CCDC88C: variants seen among roughly 807,000 people sequenced by gnomAD.
CCDC88C encodes the protein protein Daple.
A neutral mutation model predicts 198.8 loss-of-function variants in CCDC88C; 131 were observed. That is an observed-to-expected ratio of 0.66 (90% CI 0.57 to 0.76). The LOEUF is 0.76. Ranked by LOEUF, CCDC88C falls within the 30% of genes least tolerant of loss-of-function variation. CCDC88C has a pLI of 0.00. For synonymous variants in CCDC88C, 1,166 were observed against 1,114.7 expected (o/e 1.05, Z -0.92); for missense variants, 2,553 against 2,631.6 (o/e 0.97, Z 0.65).
At chr14:91,392,072 G>A (rs2139980597) in intron 3 of CCDC88C, among the ~76,000 whole-genome samples, 1 of 152,162 alleles carries the variant, frequency 6.6e-6, no homozygotes, top group South Asian at 2.1e-4. Flanking sequence ...GGCTGTTCCT[G>A]ACTCTCTAGT....
chr14:91,397,567 C>T (rs367567000), intron 3 of CCDC88C, among the ~76,000 whole-genome samples: 3 of 152,234 alleles, frequency 2.0e-5, no homozygotes, highest in Admixed American at 6.5e-5. Flanking sequence ...ACCCACCTTT[C>T]GCCCTCTGCA....
At chr14:91,290,887 C>A in intron 24 of CCDC88C, 108 bp downstream of exon 24, 1 of 683,200 alleles carries the variant, frequency 1.5e-6, no homozygotes, top group Non-Finnish European at 2.7e-6. Flanking sequence ...GGCATCTGTG[C>A]ACAGGTGGAT....
In CCDC88C at chr14:91,300,044, G is replaced by T; in HGVS notation, c.3662C>A (p.Ala1221Glu). 6.2e-7 allele frequency: 1 copy of T among 1,607,676 alleles called. No individual in the cohort carries two copies. Among genetic ancestry groups the T allele is most frequent in the Non-Finnish European group, 8.5e-7 (1 of 1,177,426 alleles). The change falls in exon 21 of 30, where the codon GCG becomes GAG. Residue 1221 changes from alanine to glutamate, a missense_variant. Ala to Glu is a moderately radical substitution (Grantham distance 107). Around this residue, in one of 2 missense-constraint regions of CCDC88C, gnomAD observed 1,293 missense variants for 1,219.6 expected, o/e 1.06. Coordinates refer to ENST00000389857, the MANE Select transcript of CCDC88C (RefSeq NM_001080414.4). Reference sequence around the variant, plus strand: ...GACCTTCTCCCGCTCCTCCAGCTCCGCCTTGCGCTTCAGCATGTCACCGTG... The same window carrying T: ...GACCTTCTCCCGCTCCTCCAGCTCCTCCTTGCGCTTCAGCATGTCACCGTG... ...ERHGDMLKRK[A>E]ELEEREKVLT...
In CCDC88C at chr14:91,321,150, C is replaced by T; in HGVS notation, c.1497G>A (p.Leu499=). Residue 499 remains leucine (L), a synonymous_variant, in exon 13 of 30, where the codon CTG becomes CTA. Coordinates refer to ENST00000389857, the MANE Select transcript of CCDC88C (RefSeq NM_001080414.4). ...TGCTGAGCTGGTGGTTCTCCTTCTCCAGCTCCCCGCACTTGAGGCCGCTCT... is the reference window on the plus strand; with the variant it reads ...TGCTGAGCTGGTGGTTCTCCTTCTCTAGCTCCCCGCACTTGAGGCCGCTCT... The part of the protein sequence containing the change: ...LEESGLKCGE[L]EKENHQLSKK... 6.2e-7 allele frequency: 1 copy of T among 1,612,338 alleles called. No homozygotes were observed. Among genetic ancestry groups the T allele is most frequent in the African/African-American group, 1.3e-5 (1 of 74,986 alleles).
chr14:91,358,584 T>G (rs193038160), intron 4 of CCDC88C, among the ~76,000 whole-genome samples: 30 of 152,348 alleles, frequency 2.0e-4, no homozygotes, highest in Non-Finnish European at 3.7e-4. Flanking sequence ...CTCCATTTAA[T>G]GCACCAAGGA....
chr14:91,367,014 T>C (rs1425846003), intron 3 of CCDC88C, among the ~76,000 whole-genome samples: 2 of 152,224 alleles, frequency 1.3e-5, no homozygotes, highest in African/African-American at 4.8e-5. Context: ...AGAGGTTAGC[T>C]TCAGTATCCA....
In CCDC88C at chr14:91,313,390, G is replaced by A; in HGVS notation, c.2426C>T (p.Ala809Val). 1 of 1,608,596 alleles carries A rather than the reference G, an allele frequency of 6.2e-7. No homozygotes were observed. Among genetic ancestry groups the A allele is most frequent in the Non-Finnish European group, 8.5e-7 (1 of 1,179,710 alleles). The change falls in exon 15 of 30, where the codon GCC (alanine) becomes GTC (valine). Residue 809 changes from alanine (A) to valine (V), a missense_variant. Coordinates refer to ENST00000389857, the MANE Select transcript of CCDC88C (RefSeq NM_001080414.4). This position sits in a 1 kb window ranked among gnomAD's most constrained non-coding sequence, Gnocchi z 5.2. ...LRRDLEALRL[A>V]NAQLEGAEKD... ...CTCGGCCCCCTCCAACTGTGCATTG[G>A]CCAGCCGGAGGGCCTCCAGGTCCCG...
At chr14:91,343,725 G>T in intron 4 of CCDC88C, 68 bp from the exon 5 acceptor site, 1 of 1,591,088 alleles carries the variant, frequency 6.3e-7, no homozygotes. Flanking sequence ...CATGTTTACC[G>T]TAGGGAAAAA....
intron 14 of CCDC88C, among the ~76,000 whole-genome samples, chr14:91,315,364 T>C (rs867696505): frequency 6.6e-6 from 1 of 152,124 alleles, no homozygotes. Flanking sequence ...GCAGCATCCT[T>C]GGCCTCCACC....
intron 2 of CCDC88C, among the ~76,000 whole-genome samples, chr14:91,412,535 T>C (rs905805126): frequency 2.6e-5 from 4 of 152,156 alleles, no homozygotes; most frequent in Admixed American, 6.6e-5. Flanking sequence ...CCCGGGTTCA[T>C]GCCATTCTCC....
rs777592906 is a variant in CCDC88C, at chr14:91,300,074, T to G, written c.3636-4A>C. The G allele has an allele frequency of 6.2e-6, 10 of 1,606,754 alleles. No homozygotes were observed. The highest frequency in any genetic ancestry group is 1.3e-5 in the African/African-American group (1 of 74,948). ...GCGCTTCAGCATGTCACCGTGCCTG[T>G]TGGAGGGAAGCACCTGCCGTGAGTC... On this transcript the variant is annotated splice_polypyrimidine_tract_variant and splice_region_variant and intron_variant, in intron 20 of 29. Transcript: ENST00000389857.
At position 91,328,516 on chromosome 14, in the gene CCDC88C, C is replaced by T. The variant is rs145145215; in HGVS notation, c.1051-2460G>A. Reference sequence around the variant, plus strand: ...AGGCTATTTAAAGGCCCGACCCAGCCCAGCAAACAGCTGAGGGGACCACAC... The same window carrying T: ...AGGCTATTTAAAGGCCCGACCCAGCTCAGCAAACAGCTGAGGGGACCACAC... On this transcript the variant is annotated intron_variant, in intron 10 of 29. Transcript: ENST00000389857. Among the ~76,000 whole-genome samples the T allele has an allele frequency of 4.2e-3, 641 of 152,288 alleles. 9 individuals are homozygous for T. Among genetic ancestry groups the T allele is most frequent in the African/African-American group, 0.014 (600 of 41,566 alleles).
At chr14:91,407,007 A>T (rs1886523460) in intron 3 of CCDC88C, among the ~76,000 whole-genome samples, 1 of 152,144 alleles carries the variant, frequency 6.6e-6, no homozygotes, top group Non-Finnish European at 1.5e-5. Context: ...GAGAGCCCAT[A>T]GTGCCCCTCT....
Position 91,272,892 on chromosome 14 carries a change from C to A in CCDC88C, c.5820G>T (p.Lys1940Asn). ...SPAAAPAART[K>N]PKAPPRSGEV... ...CCCCTGAGCGTGGGGGCGCCTTGGG[C>A]TTGGTCCTGGCAGCCGGGGCTGCAG... Residue 1940 changes from lysine (K) to asparagine (N), a missense_variant, in exon 30 of 30, where the codon AAG becomes AAT. By Grantham distance (94) the Lys-to-Asn change is moderately conservative. Around this residue, in one of 2 missense-constraint regions of CCDC88C, gnomAD observed 1,293 missense variants for 1,219.6 expected, o/e 1.06. Coordinates refer to ENST00000389857, the MANE Select transcript of CCDC88C (RefSeq NM_001080414.4). 6.3e-7 allele frequency: 1 copy of A among 1,587,024 alleles called. No homozygotes were observed. Among genetic ancestry groups the A allele is most frequent in the Admixed American group, 1.8e-5 (1 of 56,806 alleles).
At chr14:91,379,778 G>GGT in intron 3 of CCDC88C, 1 of 700,638 alleles carries the variant, frequency 1.4e-6, no homozygotes, top group Non-Finnish European at 2.6e-6. Context: ...CTCCTGCGGG[G>GGT]GTGTCTTGTT....
chr14:91,324,743 G>A (rs769464037), intron 12 of CCDC88C, 36 bp downstream of exon 12: 24 of 1,603,612 alleles, frequency 1.5e-5, no homozygotes, highest in Admixed American at 8.3e-5. Flanking sequence ...CGGCGGCCAC[G>A]GCCAGGCTGG....
In CCDC88C at chr14:91,273,805, C is replaced by T. The variant is rs1321563855; in HGVS notation, c.5059-152G>A. On this transcript the variant is annotated intron_variant, in intron 29 of 29. Coordinates refer to ENST00000389857, the MANE Select transcript of CCDC88C (RefSeq NM_001080414.4). The surrounding 1 kb of genome is among the most constrained non-coding windows in gnomAD (Gnocchi z 5.6). ...CGAGGCACATGTGCCGCCTCCACCA[C>T]ACACACCAGCCCTGGGCAGGATGGT... is the stretch of plus-strand genomic sequence containing the variant. Among the ~76,000 whole-genome samples the T allele has an allele frequency of 1.3e-5, 2 of 152,196 alleles. No individual in the cohort carries two copies. Among genetic ancestry groups the T allele is most frequent in the Admixed American group, 6.5e-5 (1 of 15,286 alleles).
intron 4 of CCDC88C, among the ~76,000 whole-genome samples, chr14:91,348,774 C>G (rs2139880937): frequency 6.6e-6 from 1 of 152,310 alleles, no homozygotes; most frequent in South Asian, 2.1e-4. Context: ...AAAATAAACT[C>G]TTTGGTGATG....
chr14:91,391,941 C>T (rs956780070), intron 3 of CCDC88C, among the ~76,000 whole-genome samples: 2 of 152,014 alleles, frequency 1.3e-5, no homozygotes, highest in African/African-American at 4.8e-5. Flanking sequence ...GAGTCTTGCT[C>T]TGTCGCCCAG....
Sources: allele counts gnomAD v4.1 joint callset (sites outside exome capture counted in the v4.1 genomes callset), GRCh38; gene constraint gnomAD v4.1.1; regional missense constraint gnomAD v4.1.1; non-coding constraint Gnocchi (gnomAD v3.1); transcripts MANE v1.5; gene names NCBI Gene and HGNC (gene_info 2026-07-23, HGNC 2026-07-21).